The following ACTR3 variants were observed in gnomAD, a reference collection of about 807,000 sequenced individuals.
The protein encoded by ACTR3 is actin related protein 3, also known as actin-related protein 3.
Under a neutral mutation model 56.8 loss-of-function variants are expected in ACTR3, and 12 were observed. The ratio of observed to expected loss-of-function variants is 0.21; its 90% CI spans 0.14 to 0.34. ACTR3 has a LOEUF of 0.34. ACTR3 is among the 10% of genes least tolerant of loss of function. ACTR3 has a pLI of 1.00. For missense variants in ACTR3, 282 were observed against 512.5 expected (o/e 0.55, Z 4.34); for synonymous variants, 162 against 167.4 (o/e 0.97, Z 0.25).
chr2:113,913,052 G>A, intron 1 of ACTR3, 120 bp from the exon 2 acceptor site: 1 of 604,710 alleles, frequency 1.7e-6, no homozygotes. Flanking sequence ...TGAAACTATG[G>A]AATTTGGTAT....
At chr2:113,952,092 CCT>C in intron 10 of ACTR3, 1 of 403,602 alleles carries the variant, frequency 2.5e-6, no homozygotes, top group Non-Finnish European at 4.4e-6. Context: ...TTTTTAAATA[CCT>C]CTCTCATAGA....
intron 8 of ACTR3, among the ~76,000 whole-genome samples, chr2:113,950,489 C>T (rs6723553): frequency 0.071 from 10,772 of 152,238 alleles, 487 homozygotes; most frequent in East Asian, 0.18. Flanking sequence ...TTTTGTTGCT[C>T]TACACGTGCA....
intron 3 of ACTR3, among the ~76,000 whole-genome samples, chr2:113,926,506 T>C (rs1266393208): frequency 6.6e-6 from 1 of 152,232 alleles, no homozygotes; most frequent in African/African-American, 2.4e-5. Flanking sequence ...CTTGTGGTTC[T>C]GGAGGTGAGG....
At chr2:113,890,437 G>C (rs990124620) in intron 1 of ACTR3, 114 bp downstream of exon 1, 17 of 1,301,208 alleles carry the variant, frequency 1.3e-5, no homozygotes, top group Non-Finnish European at 1.6e-5. Context: ...CCGGCTGTCA[G>C]TCCTAGACCC....
At chr2:113,921,315 A>G (rs1004184140) in intron 3 of ACTR3, among the ~76,000 whole-genome samples, 4 of 147,582 alleles carry the variant, frequency 2.7e-5, no homozygotes, top group African/African-American at 9.9e-5. Flanking sequence ...TAAAAAAATC[A>G]GTGTTTTTTT....
intron 6 of ACTR3, among the ~76,000 whole-genome samples, chr2:113,938,283 T>C (rs1679863847): frequency 6.6e-6 from 1 of 152,220 alleles, no homozygotes; most frequent in South Asian, 2.1e-4. Flanking sequence ...TGTTTTATTG[T>C]CCTTGTCATT....
intron 8 of ACTR3, 134 bp downstream of exon 8, chr2:113,942,493 C>A: frequency 1.6e-6 from 1 of 607,710 alleles, no homozygotes; most frequent in Non-Finnish European, 2.5e-6. Context: ...GTTTATAAAA[C>A]ATTTTATGAA....
At chr2:113,945,640 C>A (rs554836801) in intron 8 of ACTR3, among the ~76,000 whole-genome samples, 8 of 151,992 alleles carry the variant, frequency 5.3e-5, no homozygotes, top group Admixed American at 2.6e-4. Flanking sequence ...TCATTTGCTT[C>A]ATTTTCTTTT....
chr2:113,945,390 C>T lies in ACTR3; in HGVS notation c.858+3031C>T, dbSNP rs571667987. Among the ~76,000 whole-genome samples the T allele has an allele frequency of 5.7e-4, 87 of 152,256 alleles. 1 individual carries two copies. Among genetic ancestry groups the T allele is most frequent in the African/African-American group, 2.0e-3 (85 of 41,546 alleles). ...TGGTATTGCAGGAACATGGATGGAG[C>T]TGTTTCTTGATATGTCACTGTTAGT... On this transcript the variant is annotated intron_variant, in intron 8 of 11. Coordinates refer to ENST00000263238, the MANE Select transcript of ACTR3 (RefSeq NM_005721.5).
intron 10 of ACTR3, chr2:113,952,498 G>C (rs1473284789): frequency 6.6e-6 from 1 of 151,922 alleles, no homozygotes; most frequent in African/African-American, 2.4e-5. Context: ...TTGAAAAAAG[G>C]TATTTCATGT....
chr2:113,895,281 A>G (rs1678986029), intron 1 of ACTR3, among the ~76,000 whole-genome samples: 1 of 152,138 alleles, frequency 6.6e-6, no homozygotes. Flanking sequence ...TTTGTTTTAT[A>G]GGCTAGAAAA....
chr2:113,933,383 C>T (rs1679758668), intron 5 of ACTR3, among the ~76,000 whole-genome samples: 1 of 151,952 alleles, frequency 6.6e-6, no homozygotes, highest in African/African-American at 2.4e-5. Flanking sequence ...GTGGTGGGCA[C>T]CTGTAATCCC....
At chr2:113,894,692 A>G (rs576552630) in intron 1 of ACTR3, among the ~76,000 whole-genome samples, 1 of 152,342 alleles carries the variant, frequency 6.6e-6, no homozygotes, top group African/African-American at 2.4e-5. Flanking sequence ...AATTTTAGGC[A>G]CAGAACGGAA....
intron 10 of ACTR3, chr2:113,954,663 T>G (rs1680179100): frequency 6.6e-6 from 1 of 152,056 alleles, no homozygotes; most frequent in Non-Finnish European, 1.5e-5. Flanking sequence ...CACATCTTTT[T>G]TTTTGCCTAC....
intron 3 of ACTR3, among the ~76,000 whole-genome samples, chr2:113,924,687 T>C (rs1315248517): frequency 1.3e-5 from 2 of 152,150 alleles, no homozygotes; most frequent in Admixed American, 6.6e-5. Context: ...CATTGATAAC[T>C]TCAGTTTTGT....
chr2:113,907,829 A>T (rs1236445099), intron 1 of ACTR3, among the ~76,000 whole-genome samples: 2 of 151,700 alleles, frequency 1.3e-5, no homozygotes, highest in African/African-American at 4.8e-5. Context: ...AAAATTGGCC[A>T]GGCATGGTGG....
At chr2:113,933,009 G>A (rs980157557) in intron 5 of ACTR3, among the ~76,000 whole-genome samples, 3 of 152,100 alleles carry the variant, frequency 2.0e-5, no homozygotes, top group Non-Finnish European at 2.9e-5. Flanking sequence ...GGCTTGGATT[G>A]TAAGAAATTT....
chr2:113,937,444 G>T (rs1334668373), intron 6 of ACTR3, among the ~76,000 whole-genome samples: 1 of 152,070 alleles, frequency 6.6e-6, no homozygotes, highest in African/African-American at 2.4e-5. Context: ...CATATCTAGT[G>T]CTCTCTATTC....
rs531761350 is a variant in ACTR3 at position 113,960,522 on chromosome 2, A to G, written c.*3067A>G. ...ATATATCTATAGAAACTTCTTTCAG[A>G]TAACCCTAAAGATGATACTAGAATG... On this transcript the variant is annotated 3_prime_UTR_variant, in exon 12 of 12. Transcript: ENST00000263238. 1 of 152,134 alleles carries G rather than the reference A, an allele frequency of 6.6e-6. No individual in the cohort carries two copies. Among genetic ancestry groups the G allele is most frequent in the Admixed American group, 6.6e-5 (1 of 15,256 alleles). 9.4% of individuals were successfully genotyped at this position (152,134 alleles called of 1,614,324 possible). A position where few individuals can be genotyped will look rare whatever the true frequency, so the allele number is the denominator to read the frequency against.
Sources: allele counts gnomAD v4.1 joint callset (sites outside exome capture counted in the v4.1 genomes callset), GRCh38; gene constraint gnomAD v4.1.1; transcripts MANE v1.5; gene names NCBI Gene and HGNC (gene_info 2026-07-23, HGNC 2026-07-21).